KCNJ6: variants seen among roughly 807,000 people sequenced by gnomAD.
KCNJ6 encodes potassium inwardly rectifying channel subfamily J member 6.
Under a neutral mutation model 34.2 loss-of-function variants are expected in KCNJ6, and 9 were observed. The observed-to-expected ratio is 0.26, with a 90% CI of 0.16 to 0.46. The LOEUF (loss-of-function observed/expected upper bound fraction) is 0.46, where lower values mean the gene tolerates loss of function less well. KCNJ6 is among the 20% of genes least tolerant of loss of function. The probability of loss-of-function intolerance (pLI) is 1.00; values close to 1 mark genes in which losing one functional copy is unlikely to be tolerated. For synonymous variants in KCNJ6, 196 were observed against 207.1 expected, an observed-to-expected ratio of 0.95 and a Z score of 0.46; for missense variants, 236 against 531.3, an observed-to-expected ratio of 0.44 and a Z score of 5.46.
chr21:37,682,227 T>A (rs1388899412), intron 3 of KCNJ6, among the ~76,000 whole-genome samples: 1 of 152,160 alleles, frequency 6.6e-6, no homozygotes, highest in African/African-American at 2.4e-5. Context: ...AATCAGGGTG[T>A]CCTCAGGGCT....
chr21:37,638,475 G>A (rs1224266435), intron 3 of KCNJ6, among the ~76,000 whole-genome samples: 3 of 152,170 alleles, frequency 2.0e-5, no homozygotes, highest in African/African-American at 7.2e-5. Flanking sequence ...AACTGCTATA[G>A]TGTCTTACAC....
At chr21:37,677,779 T>TCCATCCATCCATCCATCCATCCAC (rs1601415396) in intron 3 of KCNJ6, among the ~76,000 whole-genome samples, 4 of 148,038 alleles carry the variant, frequency 2.7e-5, no homozygotes, top group Non-Finnish European at 4.5e-5. Context: ...TGTCCATCCA[T>TCCATCCATCCATCCATCCATCCAC]CCATCCATCC....
chr21:37,656,522 G>T (rs927846118), intron 3 of KCNJ6, among the ~76,000 whole-genome samples: 2 of 152,202 alleles, frequency 1.3e-5, no homozygotes, highest in Non-Finnish European at 2.9e-5. Context: ...TAACCTCTGA[G>T]GTGGGCCGCA....
At chr21:37,713,530 T>C (rs1470054406) in intron 3 of KCNJ6, among the ~76,000 whole-genome samples, 1 of 152,170 alleles carries the variant, frequency 6.6e-6, no homozygotes. Flanking sequence ...AAACAGACCA[T>C]TTTCTCTATT....
intron 2 of KCNJ6, among the ~76,000 whole-genome samples, chr21:37,748,333 C>T (rs545343444): frequency 2.8e-4 from 43 of 152,184 alleles, no homozygotes; most frequent in Non-Finnish European, 1.0e-4. Context: ...TGTTAATTGC[C>T]GCAGAACTGC....
intron 3 of KCNJ6, among the ~76,000 whole-genome samples, chr21:37,635,433 G>C (rs919762170): frequency 5.9e-5 from 9 of 152,112 alleles, no homozygotes; most frequent in African/African-American, 2.2e-4. Context: ...GGACAGGCTG[G>C]TCTCGAATTC....
intron 2 of KCNJ6, among the ~76,000 whole-genome samples, chr21:37,718,004 G>A (rs1045779831): frequency 1.3e-5 from 2 of 152,318 alleles, no homozygotes; most frequent in African/African-American, 4.8e-5. Flanking sequence ...GTAGCGATCA[G>A]TGCTCTGGAA....
chr21:37,799,036 C>T (rs779267736), intron 2 of KCNJ6, among the ~76,000 whole-genome samples: 3 of 151,976 alleles, frequency 2.0e-5, no homozygotes, highest in Non-Finnish European at 4.4e-5. Flanking sequence ...AAACATAGTA[C>T]CTATTGGTTA....
In KCNJ6 at chr21:37,726,091, AG is replaced by A. The variant is rs1225191319; in HGVS notation, c.26-10961del. On this transcript the variant is annotated intron_variant, in intron 2 of 3. Transcript: ENST00000609713. ...TGGCTAATTTTTGTATTTTTAGTAG[AG>A]ATGGGGTTTCACCATGTTGGCCAGG... 2.6e-5 allele frequency among the ~76,000 whole-genome samples: 4 copies of A among 152,202 alleles called. No homozygotes were observed. The East Asian group carries it at 7.7e-4, about 29-fold the overall frequency.
In KCNJ6 at chr21:37,668,348, G is replaced by C. The variant is rs557529234; in HGVS notation, c.947-42864C>G. 5.1e-4 allele frequency among the ~76,000 whole-genome samples: 78 copies of C among 152,118 alleles called. 1 individual carries two copies. The highest frequency in any genetic ancestry group is 5.1e-3 in the Admixed American group (78 of 15,276). On this transcript the variant is annotated intron_variant, in intron 3 of 3. Coordinates refer to ENST00000609713, the MANE Select transcript of KCNJ6 (RefSeq NM_002240.5). ...TGCCTCAAGGGAAACCACAGATGGC[G>C]CCTTAAATAACACAGTTCTCTCTCC...
chr21:37,734,900 T>C (rs1003363098), intron 2 of KCNJ6, among the ~76,000 whole-genome samples: 1 of 152,188 alleles, frequency 6.6e-6, no homozygotes, highest in African/African-American at 2.4e-5. Flanking sequence ...TACGCACATC[T>C]TGGTTCTGTG....
intron 3 of KCNJ6, among the ~76,000 whole-genome samples, chr21:37,625,702 C>T (rs2054307770): frequency 6.6e-6 from 1 of 152,220 alleles, no homozygotes; most frequent in South Asian, 2.1e-4. Context: ...TGAGAGAGTC[C>T]TGGCCCACAT....
chr21:37,703,112 T>C (rs918993239), intron 3 of KCNJ6, among the ~76,000 whole-genome samples: 1 of 152,080 alleles, frequency 6.6e-6, no homozygotes, highest in Non-Finnish European at 1.5e-5. Context: ...AGAAGTATAG[T>C]TTTGTTTTTC....
intron 2 of KCNJ6, among the ~76,000 whole-genome samples, chr21:37,792,616 C>T (rs992162658): frequency 6.6e-6 from 1 of 152,174 alleles, no homozygotes; most frequent in Non-Finnish European, 1.5e-5. Flanking sequence ...CTTATTGTCT[C>T]ATCCACTCCT....
chr21:37,632,534 T>C (rs1176917548), intron 3 of KCNJ6, among the ~76,000 whole-genome samples: 2 of 152,078 alleles, frequency 1.3e-5, no homozygotes, highest in Admixed American at 6.5e-5. Context: ...TAATAAAATA[T>C]AAAACAAGTC....
At chr21:37,692,870 A>G (rs1238045912) in intron 3 of KCNJ6, among the ~76,000 whole-genome samples, 1 of 152,220 alleles carries the variant, frequency 6.6e-6, no homozygotes, top group East Asian at 1.9e-4. Context: ...ACTTAGAGCG[A>G]AAGGGTAGCA....
At chr21:37,778,329 G>A (rs1288240941) in intron 2 of KCNJ6, among the ~76,000 whole-genome samples, 1 of 152,068 alleles carries the variant, frequency 6.6e-6, no homozygotes, top group East Asian at 1.9e-4. Flanking sequence ...AGTCTCCTCT[G>A]TTTCTAAGAT....
At chr21:37,778,203 T>G (rs549436330) in intron 2 of KCNJ6, among the ~76,000 whole-genome samples, 51 of 152,336 alleles carry the variant, frequency 3.3e-4, no homozygotes, top group African/African-American at 1.2e-3. Flanking sequence ...GACTAGGGTA[T>G]GATTCTGTCC....
chr21:37,859,483 T>C (rs1459590175), intron 1 of KCNJ6, among the ~76,000 whole-genome samples: 8 of 28,080 alleles, frequency 2.8e-4, no homozygotes, highest in African/African-American at 1.5e-3. Context: ...GGGCTTATAT[T>C]ACTTTATATA....
Sources: allele counts gnomAD v4.1 joint callset (sites outside exome capture counted in the v4.1 genomes callset), GRCh38; gene constraint gnomAD v4.1.1; transcripts MANE v1.5; gene names NCBI Gene and HGNC (gene_info 2026-07-23, HGNC 2026-07-21).